The following HDAC5 variants were observed in gnomAD, a reference collection of about 807,000 sequenced individuals.
HDAC5 encodes histone deacetylase 5, also known as antigen NY-CO-9.
In HDAC5, 25 loss-of-function variants were observed where a neutral mutation model predicts 133.3. The ratio of observed to expected loss-of-function variants is 0.19; its 90% confidence interval spans 0.14 to 0.26. The LOEUF (loss-of-function observed/expected upper bound fraction) is 0.26, where lower values mean the gene tolerates loss of function less well. HDAC5 is among the 10% of genes least tolerant of loss of function. The pLI is 1.00. For synonymous variants in HDAC5, 589 were observed against 610.8 expected (o/e 0.96, Z 0.53); for missense variants, 1,041 against 1,460.5 (o/e 0.71, Z 4.68).
Position 44,091,437 on chromosome 17 carries a change from A to G in HDAC5, c.1220T>C (p.Leu407Pro). Residue 407 changes from leucine (L) to proline (P), a missense_variant, in exon 11 of 27, where the codon CTG (leucine) becomes CCG (proline). Leu to Pro is a moderately conservative substitution (Grantham distance 98). Around this residue, in one of 9 missense-constraint regions of HDAC5, gnomAD observed 433 missense variants for 531.6 expected, o/e 0.81. Transcript: ENST00000682912. ...GCCGGTCAGCGTGCCACCCTGCCGC[A>G]GGGACTGGAGGGCCTGCCTCTCGGC... ...QEAERQALQS[L>P]RQGGTLTGKF... is the part of the protein sequence containing the mutation. 3 of 1,548,174 alleles carry G rather than the reference A, an allele frequency of 1.9e-6. No individual in the cohort carries two copies. Among genetic ancestry groups the G allele is most frequent in the Non-Finnish European group, 2.6e-6 (3 of 1,148,186 alleles).
At chr17:44,118,257 C>T (rs1002023943) in intron 1 of HDAC5, among the ~76,000 whole-genome samples, 2 of 152,222 alleles carry the variant, frequency 1.3e-5, no homozygotes, top group Admixed American at 6.5e-5. Context: ...CAGACCAGGA[C>T]AAGAGCTTCT....
chr17:44,107,159 G>A (rs1300387796), intron 3 of HDAC5, among the ~76,000 whole-genome samples: 4 of 151,306 alleles, frequency 2.6e-5, no homozygotes, highest in South Asian at 2.1e-4. Flanking sequence ...GCTATGCTGC[G>A]CAGGCTGGTC....
At chr17:44,085,195 G>A (rs1173263302) in intron 14 of HDAC5, 40 bp from the exon 15 acceptor site, 2 of 1,525,552 alleles carry the variant, frequency 1.3e-6, no homozygotes, top group Admixed American at 3.5e-5. Flanking sequence ...ACTGCTCTGG[G>A]CCCAGGATCC....
At chr17:44,080,033 T>G in intron 23 of HDAC5, 74 bp downstream of exon 23, 5 of 1,058,234 alleles carry the variant, frequency 4.7e-6, no homozygotes, top group Non-Finnish European at 7.3e-6. Context: ...ATCAGTCTGT[T>G]CCCTGCCCCA....
At chr17:44,101,493 C>T (rs1481010859) in intron 3 of HDAC5, among the ~76,000 whole-genome samples, 5 of 150,234 alleles carry the variant, frequency 3.3e-5, no homozygotes, top group Admixed American at 3.3e-4. Flanking sequence ...ACCCAAGGGG[C>T]GTAGAGTACA....
chr17:44,080,039 C>G, intron 23 of HDAC5, 68 bp downstream of exon 23: 1 of 1,105,334 alleles, frequency 9.0e-7, no homozygotes, highest in South Asian at 1.2e-5. Flanking sequence ...CTGTTCCCTG[C>G]CCCATGCCTC....
At chr17:44,078,973 A>C in intron 24 of HDAC5, 94 bp from the exon 25 acceptor site, 2 of 1,515,768 alleles carry the variant, frequency 1.3e-6, no homozygotes, top group Middle Eastern at 1.7e-4. Context: ...TATCCCTCAC[A>C]ACAGGGGCAA....
rs893887257 is a variant in HDAC5 at position 44,076,807 on chromosome 17, A to G, written c.*1569T>C. On this transcript the variant is annotated 3_prime_UTR_variant, in exon 27 of 27. Coordinates refer to ENST00000682912, the MANE Select transcript of HDAC5 (RefSeq NM_005474.5). Reference sequence around the variant, plus strand: ...AAGGACACACAGTGTAACGGGTTACAAAATACTTAACTGAAATCCATATCC... The same window carrying G: ...AAGGACACACAGTGTAACGGGTTACGAAATACTTAACTGAAATCCATATCC... 1.8e-5 allele frequency: 3 copies of G among 162,782 alleles called. No individual in the cohort carries two copies. Among genetic ancestry groups the G allele is most frequent in the African/African-American group, 7.2e-5 (3 of 41,524 alleles). The allele number at this position is 162,782 out of a possible 1,614,324, so 10.1% of individuals were successfully genotyped here.
At chr17:44,086,809 G>T in intron 13 of HDAC5, 72 bp from the exon 14 acceptor site, 1 of 1,175,946 alleles carries the variant, frequency 8.5e-7, no homozygotes, top group Non-Finnish European at 1.1e-6. Context: ...CCCTGTCAGG[G>T]CCTCCAGTGG....
chr17:44,111,229 AAT>A, intron 2 of HDAC5: 1 of 290,896 alleles, frequency 3.4e-6, no homozygotes, highest in South Asian at 3.3e-5. Flanking sequence ...CTCCTTCCCG[AAT>A]GAGCCGCCGC....
chr17:44,082,319 C>T (rs1350504532), intron 20 of HDAC5: 12 of 525,780 alleles, frequency 2.3e-5, no homozygotes, highest in Non-Finnish European at 4.1e-5. Flanking sequence ...TAGGAAATCC[C>T]CTTCGTTGCT....
At chr17:44,090,331 T>G (rs528805453) in intron 11 of HDAC5, among the ~76,000 whole-genome samples, 1 of 152,298 alleles carries the variant, frequency 6.6e-6, no homozygotes, top group Admixed American at 6.5e-5. Context: ...AATTGTAATA[T>G]TCTGGATATA....
chr17:44,099,513 T>C (rs1371023600), intron 3 of HDAC5, among the ~76,000 whole-genome samples: 3 of 151,730 alleles, frequency 2.0e-5, no homozygotes, highest in Admixed American at 6.6e-5. Context: ...CTCGCTCTGT[T>C]GCCCAGGCTG....
chr17:44,123,621 G>T lies in HDAC5; in HGVS notation c.-307C>A, dbSNP rs2143707863. 1 of 396,414 alleles carries T rather than the reference G, an allele frequency of 2.5e-6. No homozygotes were observed. The highest frequency in any genetic ancestry group is 3.6e-5 in the East Asian group (1 of 27,922). The allele number at this position is 396,414 out of a possible 1,614,324, so 24.6% of individuals were successfully genotyped here. On this transcript the variant is annotated 5_prime_UTR_variant, in exon 1 of 27. Coordinates refer to ENST00000682912, the MANE Select transcript of HDAC5 (RefSeq NM_005474.5). ...TGCGGCGGCTCCTCCGGCTCCGCTCGCCGCCGCCACCAACAACAACATTCG... is the reference window on the plus strand; with the variant it reads ...TGCGGCGGCTCCTCCGGCTCCGCTCTCCGCCGCCACCAACAACAACATTCG...
chr17:44,107,352 C>A (rs2052023056), intron 3 of HDAC5, among the ~76,000 whole-genome samples: 1 of 152,170 alleles, frequency 6.6e-6, no homozygotes. Context: ...CTCACGCCTG[C>A]AATCCCAACA....
intron 20 of HDAC5, chr17:44,082,148 A>G (rs1258014063): frequency 1.8e-5 from 3 of 163,608 alleles, no homozygotes; most frequent in Non-Finnish European, 4.0e-5. Context: ...TAAGTCACGC[A>G]ACAACACCTT....
At position 44,092,424 on chromosome 17, in the gene HDAC5, G is replaced by A. The variant is rs1247126697; in HGVS notation, c.876C>T (p.Thr292=). 1 of 1,613,880 alleles carries A rather than the reference G, an allele frequency of 6.2e-7. No individual in the cohort carries two copies. Among genetic ancestry groups the A allele is most frequent in the East Asian group, 2.2e-5 (1 of 44,890 alleles). The stretch of plus-strand genomic sequence containing the variant: ...TGATCTCAACAGCTCTCTTCTTAAA[G>A]GTGCTAATAACAGTCCCATCCTTGC... The part of the protein sequence containing the change: ...LRRKDGTVIS[T]FKKRAVEITG... Residue 292 remains threonine (T), a synonymous_variant, in exon 8 of 27, where the codon ACC becomes ACT. Transcript: ENST00000682912.
At chr17:44,105,984 G>T (rs1434339677) in intron 3 of HDAC5, among the ~76,000 whole-genome samples, 4 of 152,190 alleles carry the variant, frequency 2.6e-5, no homozygotes, top group Admixed American at 2.6e-4. Context: ...GGGTGTCAAG[G>T]CCTGAGAATC....
In HDAC5 at chr17:44,091,331, G is replaced by A; in HGVS notation, c.1326C>T (p.Ala442=). The A allele has an allele frequency of 6.2e-7, 1 of 1,610,256 alleles. No individual in the cohort carries two copies. Among genetic ancestry groups the A allele is most frequent in the Non-Finnish European group, 8.5e-7 (1 of 1,178,584 alleles). The stretch of plus-strand genomic sequence containing the variant: ...GCAACAGCACATGCTGCAGCAGGGA[G>A]GCATGCCCGTGGGGGCTCCCGTCGC... ...LEGDGSPHGH[A]SLLQHVLLLE... Residue 442 remains alanine, a synonymous_variant, in exon 11 of 27, where the codon GCC becomes GCT. Coordinates refer to ENST00000682912, the MANE Select transcript of HDAC5 (RefSeq NM_005474.5).
Sources: gnomAD v4.1 joint callset for allele counts (sites outside exome capture counted in the v4.1 genomes callset) on GRCh38, gnomAD v4.1.1 for gene constraint, gnomAD v4.1.1 regional missense constraint, MANE v1.5 for transcripts, NCBI Gene and HGNC (gene_info 2026-07-23, HGNC 2026-07-21) for gene names.